Variants in FAM124B observed in about 807,000 individuals in gnomAD.
FAM124B encodes the protein family with sequence similarity 124 member B.
Under a neutral mutation model 19.7 loss-of-function variants are expected in FAM124B, and 18 were observed. The ratio of observed to expected loss-of-function variants is 0.92; its 90% confidence interval spans 0.63 to 1.36. FAM124B has a LOEUF of 1.36. FAM124B is among the 40% of genes most tolerant of loss of function. The pLI is 0.00. For missense variants in FAM124B, 540 were observed against 553.3 expected (o/e 0.98, Z 0.24); for synonymous variants, 223 against 225.2 (o/e 0.99, Z 0.09).
intron 1 of FAM124B, among the ~76,000 whole-genome samples, chr2:224,382,746 C>G (rs977343359): frequency 6.6e-5 from 10 of 152,026 alleles, no homozygotes; most frequent in Non-Finnish European, 1.2e-4. Flanking sequence ...CCTGGAAGCC[C>G]AAAATATGAA....
Position 224,401,719 on chromosome 2 carries a change from T to A in FAM124B, c.50A>T (p.Asn17Ile). 2 of 1,613,986 alleles carry A rather than the reference T, an allele frequency of 1.2e-6. No individual in the cohort carries two copies. Among genetic ancestry groups the A allele is most frequent in the Non-Finnish European group, 1.7e-6 (2 of 1,180,022 alleles). Reference sequence around the variant, plus strand: ...CTGCAGAAGGGAGCCGTGCCCAGAGTTGGCAAGAAGATGGACAGTCATGGC... The same window carrying A: ...CTGCAGAAGGGAGCCGTGCCCAGAGATGGCAAGAAGATGGACAGTCATGGC... ...PLAMTVHLLA[N>I]SGHGSLLQRT... Residue 17 changes from asparagine (N) to isoleucine (I), a missense_variant, in exon 1 of 2, where the codon AAC (asparagine) becomes ATC (isoleucine). Asn to Ile is a moderately radical substitution (Grantham distance 149). Coordinates refer to ENST00000409685, the MANE Select transcript of FAM124B (RefSeq NM_001122779.2).
intron 1 of FAM124B, among the ~76,000 whole-genome samples, chr2:224,380,617 A>G (rs533249794): frequency 6.6e-6 from 1 of 152,352 alleles, no homozygotes; most frequent in South Asian, 2.1e-4. Context: ...CATGTGGTTA[A>G]AGTTAAGATA....
chr2:224,381,427 G>T (rs535793188), intron 1 of FAM124B, among the ~76,000 whole-genome samples: 1 of 152,192 alleles, frequency 6.6e-6, no homozygotes, highest in African/African-American at 2.4e-5. Context: ...CTGCACTCCA[G>T]CCTGGGTGAC....
chr2:224,398,155 T>C (rs1690005275), intron 1 of FAM124B, among the ~76,000 whole-genome samples: 1 of 152,218 alleles, frequency 6.6e-6, no homozygotes, highest in Admixed American at 6.5e-5. Context: ...TGGAGTTCAC[T>C]GGCACAATCT....
rs941987147 is a variant in FAM124B, at chr2:224,400,578, A to G, written c.732+459T>C. The G allele has an allele frequency of 6.1e-6, 4 of 657,062 alleles. No homozygotes were observed. In the Admixed American group the frequency reaches 9.3e-5, roughly 15 times the overall value. The allele number at this position is 657,062 out of a possible 1,614,324, so 40.7% of individuals were successfully genotyped here. ...AGTATGACTTCAACTTCCTTAAGTC[A>G]GATTAGAAGAGCTTGTGACATTCCT... On this transcript the variant is annotated intron_variant, in intron 1 of 1. Transcript: ENST00000409685.
intron 1 of FAM124B, among the ~76,000 whole-genome samples, chr2:224,385,878 C>T (rs1351160252): frequency 1.3e-5 from 2 of 152,150 alleles, no homozygotes; most frequent in Non-Finnish European, 2.9e-5. Flanking sequence ...CACTGTCATT[C>T]ACCCTGGAGC....
Position 224,379,492 on chromosome 2 carries a change from A to C in FAM124B, c.*81T>G. 1 of 1,452,466 alleles carries C rather than the reference A, an allele frequency of 6.9e-7. No homozygotes were observed. 90.0% of individuals were successfully genotyped at this position (1,452,466 alleles called of 1,614,324 possible). ...TCAGCCCCCCTCAGATGAACAACTA[A>C]CAGGCTGATTCTGGGTCAGTACTCC... On this transcript the variant is annotated 3_prime_UTR_variant, in exon 2 of 2. Transcript: ENST00000409685.
chr2:224,391,356 A>G (rs191696562), intron 1 of FAM124B, among the ~76,000 whole-genome samples: 2,067 of 151,546 alleles, frequency 0.014, 34 homozygotes, highest in African/African-American at 0.035. Context: ...AAAAAAAAAA[A>G]AAAGAAAGAA....
At position 224,401,269 on chromosome 2, in the gene FAM124B, T is replaced by C; in HGVS notation, c.500A>G (p.Gln167Arg). 5 of 1,613,820 alleles carry C rather than the reference T, an allele frequency of 3.1e-6. No homozygotes were observed. The highest frequency in any genetic ancestry group is 4.2e-6 in the Non-Finnish European group (5 of 1,179,996). Residue 167 changes from glutamine to arginine, a missense_variant, in exon 1 of 2, where the codon CAA becomes CGA. Gln to Arg is a conservative substitution (Grantham distance 43). Transcript: ENST00000409685. ...EMILQREATL[Q>R]KSNFCFFVLY... Reference sequence around the variant, plus strand: ...CACGAAGAAACAAAAATTGCTCTTTTGCAAGGTCGCTTCTCTCTGCAGGAT... The same window carrying C: ...CACGAAGAAACAAAAATTGCTCTTTCGCAAGGTCGCTTCTCTCTGCAGGAT...
Position 224,380,147 on chromosome 2 carries a change from AG to A in FAM124B, c.793del (p.Leu265TrpfsTer5). On this transcript the variant is annotated frameshift_variant, in exon 2 of 2. Transcript: ENST00000409685. LOFTEE classifies it low-confidence loss of function (END_TRUNC). ...NGILGAGMLPLGSRLTSVSAK... is the reference protein window; with the variant it reads ...NGILGAGMLPXGSRLTSVSAK... ...AGAGACAGAAGTCAGCCTGGAGCCC[AG>A]GGGAAGCATGCCAGCTCCCAAGATG... 23 of 1,551,614 alleles carry A rather than the reference AG, an allele frequency of 1.5e-5. No individual in the cohort carries two copies. The highest frequency in any genetic ancestry group is 2.0e-5 in the Non-Finnish European group (23 of 1,146,920).
chr2:224,397,544 T>C (rs937307140), intron 1 of FAM124B, among the ~76,000 whole-genome samples: 1 of 152,216 alleles, frequency 6.6e-6, no homozygotes, highest in Non-Finnish European at 1.5e-5. Context: ...TGGAACAGTC[T>C]GGAGGGCTCA....
intron 1 of FAM124B, among the ~76,000 whole-genome samples, chr2:224,394,086 C>T (rs1171695822): frequency 1.5e-4 from 23 of 152,204 alleles, no homozygotes; most frequent in Admixed American, 1.5e-3. Context: ...ACTTCCATGA[C>T]ACCACAATCT....
At chr2:224,398,156 G>A (rs1690005329) in intron 1 of FAM124B, among the ~76,000 whole-genome samples, 1 of 152,200 alleles carries the variant, frequency 6.6e-6, no homozygotes, top group African/African-American at 2.4e-5. Flanking sequence ...GGAGTTCACT[G>A]GCACAATCTC....
intron 1 of FAM124B, among the ~76,000 whole-genome samples, chr2:224,390,988 C>A (rs974440050): frequency 6.7e-6 from 1 of 150,204 alleles, no homozygotes; most frequent in Non-Finnish European, 1.5e-5. Context: ...CAGGCATGAG[C>A]CACCGCGCCC....
At chr2:224,388,635 T>C (rs1689834409) in intron 1 of FAM124B, among the ~76,000 whole-genome samples, 2 of 152,208 alleles carry the variant, frequency 1.3e-5, no homozygotes, top group Admixed American at 1.3e-4. Flanking sequence ...TCTGGAAATG[T>C]ATAGTGGTGA....
intron 1 of FAM124B, among the ~76,000 whole-genome samples, chr2:224,395,180 T>C (rs1689950928): frequency 6.6e-6 from 1 of 152,166 alleles, no homozygotes; most frequent in South Asian, 2.1e-4. Flanking sequence ...TACCCTTGGA[T>C]TGCCCCTGCC....
chr2:224,401,472 G>A lies in FAM124B; in HGVS notation c.297C>T (p.Thr99=). ...GACACAGCCTTCCCCGAGTGTCCTGGGTGGGGTAGCACTGCCATGGCGAAT... is the reference window on the plus strand; with the variant it reads ...GACACAGCCTTCCCCGAGTGTCCTGAGTGGGGTAGCACTGCCATGGCGAAT... ...LQHSPWQCYP[T]QDTRGRLCPY... Residue 99 remains threonine, a synonymous_variant, in exon 1 of 2, where the codon ACC becomes ACT. Coordinates refer to ENST00000409685, the MANE Select transcript of FAM124B (RefSeq NM_001122779.2). The A allele has an allele frequency of 6.2e-7, 1 of 1,614,104 alleles. No homozygotes were observed. Among genetic ancestry groups the A allele is most frequent in the Non-Finnish European group, 8.5e-7 (1 of 1,180,024 alleles).
Position 224,379,558 on chromosome 2 carries a change from C to T in FAM124B, c.*15G>A. ...TATCTGATCTTGTGTTTTAGAAAAC[C>T]ACATTTATTTTATGCTATATAAAGA... On this transcript the variant is annotated 3_prime_UTR_variant, in exon 2 of 2. Coordinates refer to ENST00000409685, the MANE Select transcript of FAM124B (RefSeq NM_001122779.2). 6.6e-7 allele frequency: 1 copy of T among 1,504,956 alleles called. No homozygotes were observed. 93.2% of individuals were successfully genotyped at this position (1,504,956 alleles called of 1,614,324 possible). A position where few individuals can be genotyped will look rare whatever the true frequency, so the allele number is the denominator to read the frequency against.
chr2:224,391,829 CA>C (rs979039299), intron 1 of FAM124B, among the ~76,000 whole-genome samples: 2 of 152,114 alleles, frequency 1.3e-5, no homozygotes, highest in Non-Finnish European at 2.9e-5. Context: ...AACGAAACAA[CA>C]CAACACAGTG....
Sources: allele counts gnomAD v4.1 joint callset (sites outside exome capture counted in the v4.1 genomes callset), GRCh38; gene constraint gnomAD v4.1.1; transcripts MANE v1.5; gene names NCBI Gene and HGNC (gene_info 2026-07-23, HGNC 2026-07-21).